PTPRD: variants seen among roughly 807,000 people sequenced by gnomAD.
PTPRD encodes protein tyrosine phosphatase receptor type D.
In PTPRD, 34 loss-of-function variants were observed where a neutral mutation model predicts 214.5. That is an observed-to-expected ratio of 0.16 (90% confidence interval 0.12 to 0.21). PTPRD has a LOEUF of 0.21. Ranked by LOEUF, PTPRD falls within the 10% of genes least tolerant of loss-of-function variation. The probability of loss-of-function intolerance (pLI) is 1.00; values close to 1 mark genes in which losing one functional copy is unlikely to be tolerated. For missense variants in PTPRD, 2,545 were observed against 2,398.7 expected (o/e 1.06, Z -1.27); for synonymous variants, 1,128 against 845.7 (o/e 1.33, Z -5.79).
chr9:8,789,670 G>A (rs1004330501), intron 11 of PTPRD, among the ~76,000 whole-genome samples: 13 of 150,362 alleles, frequency 8.6e-5, no homozygotes, highest in East Asian at 3.9e-4. Context: ...TATTATTGAG[G>A]GGCAAAAAAA....
intron 11 of PTPRD, among the ~76,000 whole-genome samples, chr9:8,835,656 A>G (rs2097402748): frequency 6.6e-6 from 1 of 152,108 alleles, no homozygotes; most frequent in African/African-American, 2.4e-5. Context: ...CAGCCTCCTG[A>G]GTAGCTGGAA....
At chr9:9,060,889 G>A (rs1270023018) in intron 10 of PTPRD, among the ~76,000 whole-genome samples, 1 of 152,138 alleles carries the variant, frequency 6.6e-6, no homozygotes, top group Non-Finnish European at 1.5e-5. Context: ...ATAGTCCTAT[G>A]ATAGAATCCT....
At chr9:9,071,839 G>C (rs941631089) in intron 10 of PTPRD, among the ~76,000 whole-genome samples, 1 of 152,102 alleles carries the variant, frequency 6.6e-6, no homozygotes, top group South Asian at 2.1e-4. Flanking sequence ...GTGGTAATTT[G>C]TTACTCTAAT....
At chr9:9,578,654 A>ATTATTT (rs2089804417) in intron 7 of PTPRD, among the ~76,000 whole-genome samples, 2 of 152,254 alleles carry the variant, frequency 1.3e-5, no homozygotes, top group South Asian at 4.1e-4. Context: ...ATAGTACTGT[A>ATTATTT]ATAGGATTTC....
At chr9:9,469,538 A>C (rs2094450321) in intron 8 of PTPRD, among the ~76,000 whole-genome samples, 1 of 152,168 alleles carries the variant, frequency 6.6e-6, no homozygotes, top group Non-Finnish European at 1.5e-5. Flanking sequence ...TTCCTATTTC[A>C]AATAATAATG....
chr9:9,275,387 C>T (rs1026761298), intron 9 of PTPRD, among the ~76,000 whole-genome samples: 41 of 149,358 alleles, frequency 2.7e-4, no homozygotes, highest in Admixed American at 2.4e-3. Flanking sequence ...GTATTTCCCT[C>T]AAAATGGCTC....
At chr9:9,492,177 C>T (rs185056435) in intron 8 of PTPRD, among the ~76,000 whole-genome samples, 1 of 151,722 alleles carries the variant, frequency 6.6e-6, no homozygotes, top group African/African-American at 2.4e-5. Context: ...CACAGAACCT[C>T]CCAAGACTAA....
chr9:9,861,579 G>T (rs956838189), intron 5 of PTPRD, among the ~76,000 whole-genome samples: 3 of 152,114 alleles, frequency 2.0e-5, no homozygotes, highest in African/African-American at 7.2e-5. Flanking sequence ...GTGAGCCACC[G>T]CACATGGCCG....
At chr9:8,877,745 A>C (rs111280424) in intron 11 of PTPRD, among the ~76,000 whole-genome samples, 4 of 152,226 alleles carry the variant, frequency 2.6e-5, no homozygotes, top group African/African-American at 9.6e-5. Context: ...CTCATAAATG[A>C]GACAGGCCAA....
chr9:9,171,085 C>G (rs912643282), intron 10 of PTPRD, among the ~76,000 whole-genome samples: 1 of 152,128 alleles, frequency 6.6e-6, no homozygotes, highest in East Asian at 1.9e-4. Context: ...AAAATATAAA[C>G]ATTACAAATT....
chr9:9,063,974 T>C (rs533056600), intron 10 of PTPRD, among the ~76,000 whole-genome samples: 52 of 152,324 alleles, frequency 3.4e-4, no homozygotes, highest in South Asian at 1.7e-3. Context: ...CCTAGAGTAT[T>C]ACTTTTATTT....
At chr9:10,297,826 C>T (rs956157074) in intron 3 of PTPRD, among the ~76,000 whole-genome samples, 7 of 151,992 alleles carry the variant, frequency 4.6e-5, no homozygotes, top group East Asian at 1.9e-4. Context: ...ATGTTTACTT[C>T]GGATTATGTC....
At chr9:8,867,890 G>C (rs1013409742) in intron 11 of PTPRD, among the ~76,000 whole-genome samples, 7 of 152,098 alleles carry the variant, frequency 4.6e-5, no homozygotes, top group African/African-American at 1.7e-4. Flanking sequence ...GTGTATAATA[G>C]AACCCTGTAT....
At chr9:10,138,436 C>A (rs937258673) in intron 3 of PTPRD, among the ~76,000 whole-genome samples, 3 of 151,588 alleles carry the variant, frequency 2.0e-5, no homozygotes, top group Admixed American at 6.6e-5. Context: ...AACAAACAAA[C>A]AAAAAACAAA....
intron 14 of PTPRD, among the ~76,000 whole-genome samples, chr9:8,581,519 T>C (rs1431561251): frequency 7.1e-6 from 1 of 140,818 alleles, no homozygotes; most frequent in Non-Finnish European, 1.6e-5. Context: ...GAGGCCGAGG[T>C]GGGCGGATCA....
At chr9:9,068,237 C>A (rs1454179159) in intron 10 of PTPRD, among the ~76,000 whole-genome samples, 1 of 151,942 alleles carries the variant, frequency 6.6e-6, no homozygotes, top group Non-Finnish European at 1.5e-5. Context: ...AGTTTTTTAT[C>A]CATTTACCCA....
At chr9:9,650,655 T>A (rs1246384383) in intron 7 of PTPRD, among the ~76,000 whole-genome samples, 1 of 151,980 alleles carries the variant, frequency 6.6e-6, no homozygotes, top group East Asian at 1.9e-4. Context: ...AGAGATAGTA[T>A]CAGGAAAAAT....
chr9:9,359,257 C>T (rs2055050527), intron 9 of PTPRD, among the ~76,000 whole-genome samples: 1 of 151,260 alleles, frequency 6.6e-6, no homozygotes, highest in Admixed American at 6.6e-5. Context: ...CTCATTTAAG[C>T]TGCATTAGTC....
At position 8,485,794 on chromosome 9, in the gene PTPRD, C is replaced by G. The variant is rs2135905296; in HGVS notation, c.3023G>C (p.Ser1008Thr). 1 of 1,613,702 alleles carries G rather than the reference C, an allele frequency of 6.2e-7. No individual in the cohort carries two copies. Among genetic ancestry groups the G allele is most frequent in the Non-Finnish European group, 8.5e-7 (1 of 1,179,958 alleles). The change falls in exon 28 of 46, where the codon AGT becomes ACT. Residue 1008 changes from serine to threonine, a missense_variant. Physicochemically the swap from Ser to Thr is moderately conservative, Grantham distance 58. Transcript: ENST00000381196. ...CACAGGCAGTGTCCTGAACTGGACA[C>G]TGGGACTATATGGCCCGGGCCCTTT... ...TSKGPGPYSP[S>T]VQFRTLPVDQ...
Sources: gnomAD v4.1 joint callset for allele counts (sites outside exome capture counted in the v4.1 genomes callset) on GRCh38, gnomAD v4.1.1 for gene constraint, MANE v1.5 for transcripts, NCBI Gene and HGNC (gene_info 2026-07-23, HGNC 2026-07-21) for gene names.